ANKUB1: variants seen among roughly 807,000 people sequenced by gnomAD.
ANKUB1 encodes ankyrin repeat and ubiquitin domain containing 1, also known as protein ANKUB1.
A neutral mutation model predicts 49.3 loss-of-function variants in ANKUB1; 42 were observed. The observed-to-expected ratio is 0.85, with a 90% confidence interval of 0.67 to 1.10. ANKUB1 has a LOEUF of 1.10. Among genes scored for constraint, ANKUB1 ranks in the 50% least tolerant of loss-of-function variants. ANKUB1 has a pLI of 0.00. For synonymous variants in ANKUB1, 222 were observed against 231.0 expected (o/e 0.96, Z 0.35); for missense variants, 613 against 642.0 (o/e 0.95, Z 0.49).
chr3:149,766,716 T>C, intron 5 of ANKUB1: 1 of 708,900 alleles, frequency 1.4e-6, no homozygotes, highest in South Asian at 1.6e-5. Context: ...GAGAATTGCT[T>C]GAGCCTAGGA....
At position 149,790,937 on chromosome 3, in the gene ANKUB1, T is replaced by C; in HGVS notation, c.91-13A>G. The C allele has an allele frequency of 6.5e-7, 1 of 1,549,730 alleles. No individual in the cohort carries two copies. Among genetic ancestry groups the C allele is most frequent in the Middle Eastern group, 1.7e-4 (1 of 5,972 alleles). The stretch of plus-strand genomic sequence containing the variant: ...TGTGGAAATAATCCTTAAAAATCAA[T>C]AGCATATTATGAAAACAGTACATCC... On this transcript the variant is annotated splice_polypyrimidine_tract_variant and intron_variant, in intron 1 of 5. Coordinates refer to ENST00000446160, the MANE Select transcript of ANKUB1 (RefSeq NM_001144960.3).
chr3:149,785,622 G>A (rs1576682157), intron 2 of ANKUB1, among the ~76,000 whole-genome samples: 2 of 152,140 alleles, frequency 1.3e-5, no homozygotes, highest in Non-Finnish European at 2.9e-5. Flanking sequence ...AGTATTCCAT[G>A]GTGTATATGT....
chr3:149,790,773 C>T lies in ANKUB1; in HGVS notation c.234+8G>A. 1 of 1,547,110 alleles carries T rather than the reference C, an allele frequency of 6.5e-7. No individual in the cohort carries two copies. The highest frequency in any genetic ancestry group is 8.7e-7 in the Non-Finnish European group (1 of 1,145,432). ...TATCTTAGACGAATATTATCCTGAC[C>T]ATCATACCTTAACAAAGCATTTGAG... On this transcript the variant is annotated splice_region_variant and intron_variant, in intron 2 of 5. Coordinates refer to ENST00000446160, the MANE Select transcript of ANKUB1 (RefSeq NM_001144960.3).
At chr3:149,787,411 A>G (rs761896550) in intron 2 of ANKUB1, among the ~76,000 whole-genome samples, 7 of 152,180 alleles carry the variant, frequency 4.6e-5, no homozygotes, top group Non-Finnish European at 7.3e-5. Flanking sequence ...ATTTTTGCAC[A>G]TTGATTTTGT....
chr3:149,792,059 T>A (rs1269616372), intron 1 of ANKUB1, among the ~76,000 whole-genome samples: 2 of 152,114 alleles, frequency 1.3e-5, no homozygotes, highest in East Asian at 3.9e-4. Context: ...TTTTTCTTGA[T>A]AATTGACTGG....
chr3:149,762,286 A>T (rs924299719), intron 5 of ANKUB1, among the ~76,000 whole-genome samples: 8 of 152,170 alleles, frequency 5.3e-5, no homozygotes, highest in African/African-American at 1.4e-4. Flanking sequence ...CAAAAGTGGC[A>T]TATCTCCAAT....
At chr3:149,772,833 C>G (rs990104525) in intron 3 of ANKUB1, among the ~76,000 whole-genome samples, 5 of 152,180 alleles carry the variant, frequency 3.3e-5, no homozygotes, top group Non-Finnish European at 7.3e-5. Context: ...CCTAACCGAG[C>G]AGGTTGGCCT....
At chr3:149,777,941 A>G (rs1268146147) in intron 3 of ANKUB1, among the ~76,000 whole-genome samples, 2 of 152,198 alleles carry the variant, frequency 1.3e-5, no homozygotes, top group Non-Finnish European at 2.9e-5. Flanking sequence ...TTCAACCTGG[A>G]CATGACTGCT....
At chr3:149,781,102 A>G (rs1044423310) in intron 2 of ANKUB1, among the ~76,000 whole-genome samples, 2 of 150,960 alleles carry the variant, frequency 1.3e-5, no homozygotes, top group Middle Eastern at 3.4e-3. Context: ...TTGGGATTAC[A>G]GGCGCGAGCC....
intron 4 of ANKUB1, among the ~76,000 whole-genome samples, chr3:149,770,012 C>A (rs1226307144): frequency 2.6e-5 from 4 of 151,960 alleles, no homozygotes; most frequent in African/African-American, 9.7e-5. Context: ...TCTTTCTCCC[C>A]CTCAGCCTTA....
In ANKUB1 at chr3:149,767,810, G is replaced by A. The variant is rs1717120303; in HGVS notation, c.852C>T (p.His284=). Residue 284 remains histidine (H), a synonymous_variant, in exon 5 of 6, where the codon CAC becomes CAT. Coordinates refer to ENST00000446160, the MANE Select transcript of ANKUB1 (RefSeq NM_001144960.3). ...GQTPLTIVFK[H]KHKDCVLYLL... is the part of the protein sequence containing the mutation. ...AATATAATACACAGTCTTTATGCTT[G>A]TGTTTGAACACAATGGTCAGGGGAG... 3 of 1,551,618 alleles carry A rather than the reference G, an allele frequency of 1.9e-6. No homozygotes were observed. Among genetic ancestry groups the A allele is most frequent in the Admixed American group, 3.9e-5 (2 of 50,980 alleles).
intron 4 of ANKUB1, among the ~76,000 whole-genome samples, chr3:149,768,676 G>A (rs1717181670): frequency 6.6e-6 from 1 of 152,052 alleles, no homozygotes; most frequent in South Asian, 2.1e-4. Context: ...TCAGTAGTTG[G>A]GATTACAGGT....
At position 149,767,183 on chromosome 3, in the gene ANKUB1, G is replaced by T; in HGVS notation, c.1479C>A (p.Asn493Lys). Residue 493 changes from asparagine (N) to lysine (K), a missense_variant, in exon 5 of 6, where the codon AAC (asparagine) becomes AAA (lysine). Transcript: ENST00000446160. Reference protein sequence around the residue: ...LEHSGKTPWENAIYCLAVASA... With the variant: ...LEHSGKTPWEKAIYCLAVASA... ...TTGCCACAGCTAAGCAGTAGATTGC[G>T]TTCTCCCATGGAGTCTTCCCACTGT... 6.5e-7 allele frequency: 1 copy of T among 1,532,762 alleles called. No individual in the cohort carries two copies. Among genetic ancestry groups the T allele is most frequent in the African/African-American group, 1.4e-5 (1 of 72,008 alleles). 94.9% of individuals were successfully genotyped at this position (1,532,762 alleles called of 1,614,324 possible).
intron 3 of ANKUB1, 40 bp downstream of exon 3, chr3:149,780,199 G>A: frequency 6.6e-7 from 1 of 1,522,444 alleles, no homozygotes; most frequent in Non-Finnish European, 8.9e-7. Context: ...AAGGACCCTA[G>A]TGCCAAATGG....
At chr3:149,779,658 G>A (rs1717763558) in intron 3 of ANKUB1, 1 of 154,254 alleles carries the variant, frequency 6.5e-6, no homozygotes, top group Non-Finnish European at 1.4e-5. Flanking sequence ...TGTATCATAT[G>A]CTACCTTGCA....
intron 2 of ANKUB1, among the ~76,000 whole-genome samples, chr3:149,780,889 A>G (rs1198721829): frequency 6.6e-6 from 1 of 151,788 alleles, no homozygotes; most frequent in Non-Finnish European, 1.5e-5. Flanking sequence ...CTGAGTTGAG[A>G]GTGGGAGGGA....
intron 5 of ANKUB1, among the ~76,000 whole-genome samples, chr3:149,763,528 G>T (rs1003525207): frequency 6.6e-6 from 1 of 152,162 alleles, no homozygotes; most frequent in Non-Finnish European, 1.5e-5. Flanking sequence ...GAGTACAAGA[G>T]CCCAGCAAAG....
intron 3 of ANKUB1, chr3:149,778,979 G>A (rs1455684402): frequency 6.6e-6 from 1 of 152,168 alleles, no homozygotes; most frequent in Non-Finnish European, 1.5e-5. Flanking sequence ...TTTACTTCAA[G>A]TAATTTCTAT....
intron 2 of ANKUB1, among the ~76,000 whole-genome samples, chr3:149,790,163 C>A (rs1454100160): frequency 2.6e-5 from 4 of 152,046 alleles, no homozygotes; most frequent in Non-Finnish European, 2.9e-5. Context: ...AAATTGTTGA[C>A]CATAAAGGAT....
Sources: gnomAD v4.1 joint callset for allele counts (sites outside exome capture counted in the v4.1 genomes callset) on GRCh38, gnomAD v4.1.1 for gene constraint, MANE v1.5 for transcripts, NCBI Gene and HGNC (gene_info 2026-07-23, HGNC 2026-07-21) for gene names.